The following UBE4A variants were observed in gnomAD, a reference collection of about 807,000 sequenced individuals.
UBE4A encodes the protein ubiquitination factor E4A.
UBE4A carries 48 observed loss-of-function variants against 117.9 expected under a neutral mutation model. The observed-to-expected ratio is 0.41, with a 90% CI of 0.32 to 0.52. UBE4A has a LOEUF of 0.52. UBE4A is among the 20% of genes least tolerant of loss of function. The pLI is 0.33. For synonymous variants in UBE4A, 407 were observed against 450.0 expected, an observed-to-expected ratio of 0.90 and a Z score of 1.21; for missense variants, 1,067 against 1,296.3, an observed-to-expected ratio of 0.82 and a Z score of 2.72.
chr11:118,375,269 T>TGTGTGTGA, intron 9 of UBE4A, 40 bp downstream of exon 9: 1 of 1,526,802 alleles, frequency 6.5e-7, no homozygotes. Context: ...TGTGTGTGTG[T>TGTGTGTGA]GTGTGTAACG....
At chr11:118,382,919 CTTT>C (rs5795124) in intron 13 of UBE4A, 143 bp downstream of exon 13, 763 of 484,210 alleles carry the variant, frequency 1.6e-3, no homozygotes, top group East Asian at 3.6e-3. Flanking sequence ...ATGATAAGTG[CTTT>C]TTTTTTTTTT....
At position 118,365,019 on chromosome 11, in the gene UBE4A, T is replaced by C. The variant is rs903874647; in HGVS notation, c.-41-21T>C. ...ATTGTGTCATCTGCCCTCTTGTGTC[T>C]AATACCTGTCCTTTGAACAGCCTCT... On this transcript the variant is annotated intron_variant, in intron 1 of 19. Transcript: ENST00000252108. 7 of 1,582,564 alleles carry C rather than the reference T, an allele frequency of 4.4e-6. 1 individual carries two copies. In the East Asian group the frequency reaches 1.6e-4, roughly 36 times the overall value.
At chr11:118,389,568 G>A (rs1301566923) in intron 16 of UBE4A, among the ~76,000 whole-genome samples, 157 bp from the exon 17 acceptor site, 2 of 152,150 alleles carry the variant, frequency 1.3e-5, no homozygotes, top group Non-Finnish European at 2.9e-5. Context: ...ATTTTCTGCA[G>A]TGAAAATGAA....
chr11:118,398,901 C>G lies in UBE4A; in HGVS notation c.*2461C>G, dbSNP rs1948899889. On this transcript the variant is annotated 3_prime_UTR_variant, in exon 20 of 20. Transcript: ENST00000252108. ...GCCAGTTGCTATTTGATATCACACT[C>G]TACAAAAGCTTCATTACTTTATTTG... 2 of 244,112 alleles carry G rather than the reference C, an allele frequency of 8.2e-6. No homozygotes were observed. Among genetic ancestry groups the G allele is most frequent in the Non-Finnish European group, 1.7e-5 (2 of 115,336 alleles). The allele number at this position is 244,112 out of a possible 1,614,324, so 15.1% of individuals were successfully genotyped here.
chr11:118,394,600 G>A (rs773846569), intron 19 of UBE4A, among the ~76,000 whole-genome samples: 7 of 151,518 alleles, frequency 4.6e-5, no homozygotes, highest in Non-Finnish European at 7.4e-5. Flanking sequence ...GTGAAACCCC[G>A]TCTCTACTAA....
chr11:118,392,657 T>A, intron 18 of UBE4A, 81 bp from the exon 19 acceptor site: 2 of 1,367,640 alleles, frequency 1.5e-6, no homozygotes, highest in South Asian at 2.8e-5. Context: ...ATTTTTGAGA[T>A]GGAGTCTTGC....
At position 118,368,718 on chromosome 11, in the gene UBE4A, G is replaced by A. The variant is rs781711602; in HGVS notation, c.209G>A (p.Arg70His). The part of the protein sequence containing the change: ...EFDYSVAEIS[R>H]SFRSQQEICE... ...GATTACTCTGTGGCTGAGATTAGCC[G>A]CTCATTCCGATCACAGCAGGAAATA... The change falls in exon 3 of 20, where the codon CGC (arginine) becomes CAC (histidine). Residue 70 changes from arginine to histidine, a missense_variant. Coordinates refer to ENST00000252108, the MANE Select transcript of UBE4A (RefSeq NM_001204077.2). 3.1e-6 allele frequency: 5 copies of A among 1,614,078 alleles called. No homozygotes were observed. Among genetic ancestry groups the A allele is most frequent in the Admixed American group, 1.7e-5 (1 of 60,020 alleles).
At position 118,397,084 on chromosome 11, in the gene UBE4A, A is replaced by G. The variant is rs1481428129; in HGVS notation, c.*644A>G. 1 of 152,286 alleles carries G rather than the reference A, an allele frequency of 6.6e-6. No homozygotes were observed. The highest frequency in any genetic ancestry group is 2.4e-5 in the African/African-American group (1 of 41,438). The allele number at this position is 152,286 out of a possible 1,614,324, so 9.4% of individuals were successfully genotyped here. ...TTGATAGCTCTTAATTTTGTTATAC[A>G]GTCTTTTTAATGAGGATTGGTAGGG... On this transcript the variant is annotated 3_prime_UTR_variant, in exon 20 of 20. Coordinates refer to ENST00000252108, the MANE Select transcript of UBE4A (RefSeq NM_001204077.2).
chr11:118,391,712 T>G (rs1182340500), intron 18 of UBE4A, among the ~76,000 whole-genome samples: 1 of 149,032 alleles, frequency 6.7e-6, no homozygotes, highest in Non-Finnish European at 1.5e-5. Flanking sequence ...GAGAATGGCG[T>G]GAACCCAGGA....
At chr11:118,394,751 G>A (rs1265572815) in intron 19 of UBE4A, among the ~76,000 whole-genome samples, 1 of 150,360 alleles carries the variant, frequency 6.7e-6, no homozygotes, top group African/African-American at 2.5e-5. Flanking sequence ...TCCAGTCTGG[G>A]TGACAGAGCG....
chr11:118,371,712 T>G, intron 5 of UBE4A, 46 bp downstream of exon 5: 1 of 1,559,770 alleles, frequency 6.4e-7, no homozygotes, highest in Non-Finnish European at 8.7e-7. Flanking sequence ...CTCTTGGGTA[T>G]GACTTCAGCA....
Position 118,369,504 on chromosome 11 carries a change from A to T in UBE4A, c.377A>T (p.Gln126Leu). Residue 126 changes from glutamine to leucine, a missense_variant, in exon 4 of 20, where the codon CAA becomes CTA. Gln to Leu is a moderately radical substitution (Grantham distance 113). Coordinates refer to ENST00000252108, the MANE Select transcript of UBE4A (RefSeq NM_001204077.2). ...GAAATGGCAGTAGAGCTAGAAGATC[A>T]AGACTGGCTTGATATGAGCAATGTT... ...LEEMAVELEDQDWLDMSNVEQ... is the reference protein window; with the variant it reads ...LEEMAVELEDLDWLDMSNVEQ... The T allele has an allele frequency of 6.2e-7, 1 of 1,614,208 alleles. No individual in the cohort carries two copies. Among genetic ancestry groups the T allele is most frequent in the Non-Finnish European group, 8.5e-7 (1 of 1,180,012 alleles).
intron 4 of UBE4A, among the ~76,000 whole-genome samples, chr11:118,371,274 G>T (rs919711291): frequency 6.6e-6 from 1 of 152,046 alleles, no homozygotes; most frequent in Non-Finnish European, 1.5e-5. Flanking sequence ...GTCTTTTAAT[G>T]CCTACTCTAT....
At chr11:118,379,395 TG>T (rs1565534328) in intron 10 of UBE4A, 50 bp from the exon 11 acceptor site, 1 of 1,548,030 alleles carries the variant, frequency 6.5e-7, no homozygotes, top group South Asian at 1.2e-5. Flanking sequence ...TTTGTTTTTT[TG>T]TGACTTTCTG....
At chr11:118,376,778 A>G in intron 10 of UBE4A, 84 bp downstream of exon 10, 2 of 1,484,002 alleles carry the variant, frequency 1.3e-6, no homozygotes, top group Non-Finnish European at 9.1e-7. Flanking sequence ...GGCCAGGCAC[A>G]GTAGCTCACA....
At chr11:118,372,934 G>C in intron 6 of UBE4A, 152 bp from the exon 7 acceptor site, 1 of 816,938 alleles carries the variant, frequency 1.2e-6, no homozygotes. Context: ...AATCACACCT[G>C]TGAATAGCCA....
At chr11:118,377,320 G>A (rs1948661766) in intron 10 of UBE4A, among the ~76,000 whole-genome samples, 3 of 152,024 alleles carry the variant, frequency 2.0e-5, no homozygotes, top group African/African-American at 7.2e-5. Flanking sequence ...CAATTCTTCT[G>A]CCTCATCCTC....
chr11:118,384,669 C>T lies in UBE4A; in HGVS notation c.2232C>T (p.Tyr744=). The T allele has an allele frequency of 6.2e-7, 1 of 1,614,072 alleles. No homozygotes were observed. Among genetic ancestry groups the T allele is most frequent in the Non-Finnish European group, 8.5e-7 (1 of 1,179,982 alleles). Residue 744 remains tyrosine, a synonymous_variant, in exon 14 of 20, where the codon TAC becomes TAT. Transcript: ENST00000252108. ...DPHQFEQKFN[Y]RRPMYPILRY... ...ATCAATTTGAACAGAAGTTTAATTA[C>T]CGCCGTCCCATGTATCCTATCCTAA...
intron 9 of UBE4A, among the ~76,000 whole-genome samples, chr11:118,376,170 G>T (rs1471986056): frequency 6.6e-6 from 1 of 152,088 alleles, no homozygotes; most frequent in Non-Finnish European, 1.5e-5. Flanking sequence ...ACAGAGAAAT[G>T]AAGAGAAAAT....
Sources: allele counts gnomAD v4.1 joint callset (sites outside exome capture counted in the v4.1 genomes callset), GRCh38; gene constraint gnomAD v4.1.1; transcripts MANE v1.5; gene names NCBI Gene and HGNC (gene_info 2026-07-23, HGNC 2026-07-21).